WWOX: variants seen among roughly 807,000 people sequenced by gnomAD.
WWOX encodes WW domain-containing oxidoreductase.
In WWOX, 69 loss-of-function variants were observed where a neutral mutation model predicts 46.2. The ratio of observed to expected loss-of-function variants is 1.49; its 90% CI spans 1.23 to 1.82. WWOX has a LOEUF of 1.82. Among genes scored for constraint, WWOX ranks in the 40% most tolerant of loss-of-function variants. WWOX has a pLI of 0.00. For synonymous variants in WWOX, 359 were observed against 202.6 expected (o/e 1.77, Z -6.56); for missense variants, 919 against 542.6 (o/e 1.69, Z -6.89).
At chr16:79,138,812 G>T (rs139040739) in intron 8 of WWOX, among the ~76,000 whole-genome samples, 1 of 152,312 alleles carries the variant, frequency 6.6e-6, no homozygotes, top group East Asian at 1.9e-4. Context: ...CAGGCCCACA[G>T]TAGGGACTCA....
chr16:78,428,099 A>C (rs2083129807), intron 7 of WWOX, among the ~76,000 whole-genome samples: 1 of 152,106 alleles, frequency 6.6e-6, no homozygotes. Context: ...CAAAACCCCC[A>C]CAGTATATAT....
chr16:78,313,155 G>C (rs2080282836), intron 5 of WWOX, among the ~76,000 whole-genome samples: 1 of 152,178 alleles, frequency 6.6e-6, no homozygotes, highest in South Asian at 2.1e-4. Context: ...GGCAGAAAGG[G>C]CATGTGGTAG....
At chr16:78,961,891 G>A (rs1202716607) in intron 8 of WWOX, among the ~76,000 whole-genome samples, 1 of 152,118 alleles carries the variant, frequency 6.6e-6, no homozygotes, top group Non-Finnish European at 1.5e-5. Context: ...CACATTGACT[G>A]CATCCAAGAC....
At chr16:78,646,313 C>T (rs2046841548) in intron 8 of WWOX, among the ~76,000 whole-genome samples, 1 of 152,170 alleles carries the variant, frequency 6.6e-6, no homozygotes, top group Non-Finnish European at 1.5e-5. Context: ...TACACTTGGC[C>T]TTTTGGCACC....
At chr16:79,144,831 A>T (rs1163013355) in intron 8 of WWOX, among the ~76,000 whole-genome samples, 1 of 152,214 alleles carries the variant, frequency 6.6e-6, no homozygotes, top group African/African-American at 2.4e-5. Context: ...ACATTTATGT[A>T]ACTTTTATTA....
At chr16:79,160,113 C>A (rs370460205) in intron 8 of WWOX, among the ~76,000 whole-genome samples, 1 of 152,182 alleles carries the variant, frequency 6.6e-6, no homozygotes, top group Non-Finnish European at 1.5e-5. Flanking sequence ...TGTCTAAATT[C>A]ACTCGGCAAG....
intron 8 of WWOX, among the ~76,000 whole-genome samples, chr16:78,992,310 A>ATG (rs561516211): frequency 2.6e-5 from 4 of 151,868 alleles, no homozygotes; most frequent in East Asian, 3.9e-4. Context: ...TAAAAATACA[A>ATG]AAAAAAATTA....
intron 8 of WWOX, among the ~76,000 whole-genome samples, chr16:78,874,952 C>T (rs891812302): frequency 2.0e-5 from 3 of 152,124 alleles, no homozygotes; most frequent in Non-Finnish European, 4.4e-5. Flanking sequence ...ACCAGGAAGG[C>T]CTGCCCCCAT....
chr16:79,096,827 C>T (rs1404812540), intron 8 of WWOX, among the ~76,000 whole-genome samples: 1 of 152,098 alleles, frequency 6.6e-6, no homozygotes, highest in Non-Finnish European at 1.5e-5. Context: ...GAAATTGACT[C>T]TCACAGAATA....
intron 8 of WWOX, among the ~76,000 whole-genome samples, chr16:78,603,395 T>C (rs907480581): frequency 3.9e-5 from 6 of 152,186 alleles, no homozygotes; most frequent in Non-Finnish European, 5.9e-5. Context: ...ACTACATGCA[T>C]TTTAAAAAAC....
chr16:78,259,132 C>G (rs1323664054), intron 5 of WWOX, among the ~76,000 whole-genome samples: 1 of 152,184 alleles, frequency 6.6e-6, no homozygotes, highest in African/African-American at 2.4e-5. Context: ...AAAAAACTGT[C>G]TGTTCATATA....
At chr16:79,086,083 G>T (rs538211511) in intron 8 of WWOX, among the ~76,000 whole-genome samples, 1 of 133,758 alleles carries the variant, frequency 7.5e-6, no homozygotes, top group Non-Finnish European at 1.6e-5. Context: ...AAAAAAAAGA[G>T]CAGTATAGTC....
At chr16:78,370,539 C>G (rs1347466507) in intron 5 of WWOX, among the ~76,000 whole-genome samples, 5 of 151,466 alleles carry the variant, frequency 3.3e-5, no homozygotes, top group Non-Finnish European at 4.4e-5. Context: ...TGTTTCTATT[C>G]TTCTGTTCTG....
chr16:78,749,111 G>T (rs866593300), intron 8 of WWOX, among the ~76,000 whole-genome samples: 1 of 152,320 alleles, frequency 6.6e-6, no homozygotes, highest in South Asian at 2.1e-4. Flanking sequence ...GTGGACCGAG[G>T]CTATGGTGGC....
chr16:79,100,359 A>G (rs2049166919), intron 8 of WWOX, among the ~76,000 whole-genome samples: 1 of 152,176 alleles, frequency 6.6e-6, no homozygotes, highest in African/African-American at 2.4e-5. Context: ...GAGAAACGAG[A>G]CATTAGTGAT....
chr16:78,747,761 A>C (rs868357673), intron 8 of WWOX, among the ~76,000 whole-genome samples: 10 of 152,166 alleles, frequency 6.6e-5, no homozygotes, highest in Admixed American at 2.6e-4. Context: ...CCTACAGAGG[A>C]GATGCTGCAG....
intron 8 of WWOX, among the ~76,000 whole-genome samples, chr16:78,619,835 G>T (rs116918681): frequency 0.024 from 3,712 of 152,180 alleles, 68 homozygotes; most frequent in Non-Finnish European, 0.036. Context: ...CTTGAGCAAA[G>T]GAGGTTGAAC....
chr16:78,825,522 G>T (rs918293577), intron 8 of WWOX: 2 of 513,454 alleles, frequency 3.9e-6, no homozygotes, highest in Non-Finnish European at 3.9e-6. Context: ...CTTCCCACAG[G>T]GCATTGTAGA....
chr16:78,690,446 G>C (rs1230995382), intron 8 of WWOX, among the ~76,000 whole-genome samples: 1 of 152,148 alleles, frequency 6.6e-6, no homozygotes, highest in African/African-American at 2.4e-5. Flanking sequence ...TAGCTACTCA[G>C]GAAGCTGAGA....
Sources: allele counts gnomAD v4.1 joint callset (sites outside exome capture counted in the v4.1 genomes callset), GRCh38; gene constraint gnomAD v4.1.1; transcripts MANE v1.5; gene names NCBI Gene and HGNC (gene_info 2026-07-23, HGNC 2026-07-21).